The following LRFN2 variants were observed in gnomAD, a reference collection of about 807,000 sequenced individuals.
LRFN2 encodes the protein leucine rich repeat and fibronectin type III domain containing 2, also known as leucine-rich repeat and fibronectin type-III domain-containing protein 2.
A neutral mutation model predicts 37.3 loss-of-function variants in LRFN2; 18 were observed. The ratio of observed to expected loss-of-function variants is 0.48; its 90% CI spans 0.33 to 0.72. The LOEUF is 0.72. Among genes scored for constraint, LRFN2 ranks in the 30% least tolerant of loss-of-function variants. The pLI, the probability that LRFN2 is intolerant of heterozygous loss-of-function variation, is 0.02. For synonymous variants in LRFN2, 556 were observed against 466.6 expected (o/e 1.19, Z -2.47); for missense variants, 1,006 against 1,060.7 (o/e 0.95, Z 0.72).
chr6:40,442,074 C>G (rs1387963334), intron 1 of LRFN2, among the ~76,000 whole-genome samples: 1 of 152,190 alleles, frequency 6.6e-6, no homozygotes, highest in East Asian at 1.9e-4. Context: ...CTCCCTCCTG[C>G]TCTGAATCAC....
At chr6:40,537,434 C>T (rs1766470247) in intron 1 of LRFN2, among the ~76,000 whole-genome samples, 1 of 152,194 alleles carries the variant, frequency 6.6e-6, no homozygotes, top group Non-Finnish European at 1.5e-5. Context: ...TAACCAGCAC[C>T]AGCCCCAACT....
At chr6:40,443,773 G>A (rs991155476) in intron 1 of LRFN2, among the ~76,000 whole-genome samples, 1 of 152,154 alleles carries the variant, frequency 6.6e-6, no homozygotes, top group African/African-American at 2.4e-5. Context: ...GGCAGGGTGG[G>A]GGAACAAAGA....
intron 1 of LRFN2, among the ~76,000 whole-genome samples, chr6:40,583,475 A>G (rs146456591): frequency 7.6e-4 from 115 of 152,290 alleles, no homozygotes; most frequent in African/African-American, 2.5e-3. Context: ...GCAGTCCCAC[A>G]TAAAACTGAC....
Position 40,392,326 on chromosome 6 carries a change from G to A in LRFN2, c.1987C>T (p.Leu663=), listed in dbSNP as rs763051528. 2 of 1,610,720 alleles carry A rather than the reference G, an allele frequency of 1.2e-6. No homozygotes were observed. Among genetic ancestry groups the A allele is most frequent in the African/African-American group, 1.3e-5 (1 of 74,892 alleles). ...LDRLMGAFAS[L]DLKSQRKEEL... is the part of the protein sequence containing the mutation. The stretch of plus-strand genomic sequence containing the variant: ...TCCTTTCTCTGACTCTTGAGGTCCA[G>A]GGAGGCGAAGGCCCCCATCAGGCGG... The change falls in exon 3 of 3, where the codon CTG becomes TTG. Residue 663 remains leucine, a synonymous_variant. Transcript: ENST00000338305. This position sits in a 1 kb window ranked among gnomAD's most constrained non-coding sequence, Gnocchi z 4.7.
At chr6:40,549,917 G>A (rs1224019161) in intron 1 of LRFN2, among the ~76,000 whole-genome samples, 1 of 152,060 alleles carries the variant, frequency 6.6e-6, no homozygotes, top group Admixed American at 6.6e-5. Context: ...GTGCTTGCCT[G>A]TAGCTACCTG....
chr6:40,549,073 C>A (rs1257875006), intron 1 of LRFN2, among the ~76,000 whole-genome samples: 1 of 152,184 alleles, frequency 6.6e-6, no homozygotes, highest in Non-Finnish European at 1.5e-5. Context: ...GCAGGGTAGA[C>A]ATTACCAAGC....
At chr6:40,420,944 A>T (rs1763214431) in intron 2 of LRFN2, among the ~76,000 whole-genome samples, 1 of 152,216 alleles carries the variant, frequency 6.6e-6, no homozygotes, top group African/African-American at 2.4e-5. Context: ...CCCACCCCTA[A>T]TGGGAGCCCC....
At chr6:40,533,370 T>TC (rs1766386150) in intron 1 of LRFN2, among the ~76,000 whole-genome samples, 3 of 119,264 alleles carry the variant, frequency 2.5e-5, no homozygotes, top group African/African-American at 4.2e-5. Context: ...CCTCTCTTGC[T>TC]CAAAACACAC....
At position 40,431,894 on chromosome 6, in the gene LRFN2, C is replaced by T. The variant is rs767471179; in HGVS notation, c.1220G>A (p.Arg407Gln). 27 of 1,609,988 alleles carry T rather than the reference C, an allele frequency of 1.7e-5. No homozygotes were observed. Among genetic ancestry groups the T allele is most frequent in the South Asian group, 5.5e-5 (5 of 90,540 alleles). ...TCCGCCCCCACTGCCTCCACCTCCC[C>T]GGCTGGTCTTGCTGGAGCCAGTGAT... ...SDITGSSKTS[R>Q]GGGGSGGGEP... The change falls in exon 2 of 3, where the codon CGG becomes CAG. Residue 407 changes from arginine (R) to glutamine (Q), a missense_variant. Physicochemically the swap from Arg to Gln is conservative, Grantham distance 43. Transcript: ENST00000338305.
chr6:40,579,167 A>T (rs1379653954), intron 1 of LRFN2, among the ~76,000 whole-genome samples: 1 of 152,180 alleles, frequency 6.6e-6, no homozygotes, highest in Middle Eastern at 3.2e-3. Flanking sequence ...TAGCCTGGGG[A>T]ACCACCCTCT....
At chr6:40,427,901 C>T (rs1344514271) in intron 2 of LRFN2, among the ~76,000 whole-genome samples, 1 of 152,194 alleles carries the variant, frequency 6.6e-6, no homozygotes, top group Non-Finnish European at 1.5e-5. Flanking sequence ...AACTCATAGA[C>T]GGCACTGTGA....
chr6:40,585,403 C>G lies in LRFN2; in HGVS notation c.-19+1538G>C, dbSNP rs112699987. Among the ~76,000 whole-genome samples the G allele has an allele frequency of 4.1e-3, 629 of 152,146 alleles. 2 individuals are homozygous for G. The highest frequency in any genetic ancestry group is 0.012 in the South Asian group (56 of 4,806). On this transcript the variant is annotated intron_variant, in intron 1 of 2. Transcript: ENST00000338305. Reference sequence around the variant, plus strand: ...GAAGGGCCCAGGCAGCTGGCATGGTCGGCGGAGGATGACGGCTCCAAGTGC... The same window carrying G: ...GAAGGGCCCAGGCAGCTGGCATGGTGGGCGGAGGATGACGGCTCCAAGTGC...
Position 40,431,817 on chromosome 6 carries a change from T to G in LRFN2, c.1297A>C (p.Thr433Pro). The G allele has an allele frequency of 2.6e-6, 4 of 1,552,216 alleles. No individual in the cohort carries two copies. Among genetic ancestry groups the G allele is most frequent in the Non-Finnish European group, 3.5e-6 (4 of 1,147,788 alleles). ...ERAVLVSEVT[T>P]TSALVKWSVS... ...GACCACTTGACCAGGGCCGAGGTGG[T>G]GGTCACTTCAGACACAAGCACAGCC... Residue 433 changes from threonine to proline, a missense_variant, in exon 2 of 3, where the codon ACC becomes CCC. Coordinates refer to ENST00000338305, the MANE Select transcript of LRFN2 (RefSeq NM_020737.3).
At chr6:40,541,939 G>A (rs1159219206) in intron 1 of LRFN2, among the ~76,000 whole-genome samples, 1 of 152,204 alleles carries the variant, frequency 6.6e-6, no homozygotes, top group Admixed American at 6.5e-5. Flanking sequence ...AGCATGCAGA[G>A]TGTCAGGCAG....
Position 40,432,166 on chromosome 6 carries a change from G to A in LRFN2, c.948C>T (p.Pro316=). 1 of 1,613,860 alleles carries A rather than the reference G, an allele frequency of 6.2e-7. No individual in the cohort carries two copies. Among genetic ancestry groups the A allele is most frequent in the Non-Finnish European group, 8.5e-7 (1 of 1,180,028 alleles). The part of the protein sequence containing the change: ...ATLKCKAIGD[P]SPLIHWVAPD... ...GGGCTACCCAGTGGATAAGGGGGCT[G>A]GGGTCCCCAATGGCTTTGCACTTGA... The change falls in exon 2 of 3, where the codon CCC becomes CCT. Residue 316 remains proline, a synonymous_variant. Transcript: ENST00000338305.
chr6:40,568,684 T>TTTCCTTTC (rs1554145345), intron 1 of LRFN2, among the ~76,000 whole-genome samples: 1 of 131,936 alleles, frequency 7.6e-6, no homozygotes, highest in Non-Finnish European at 1.6e-5. Flanking sequence ...GTCTCCCCCA[T>TTTCCTTTC]TTCCTTCCTT....
chr6:40,444,900 T>C (rs574754176), intron 1 of LRFN2, among the ~76,000 whole-genome samples: 3 of 123,606 alleles, frequency 2.4e-5, no homozygotes, highest in Admixed American at 1.6e-4. Context: ...GTCTTCTTCA[T>C]GATTTTTTTT....
At position 40,391,731 on chromosome 6, in the gene LRFN2, A is replaced by C. The variant is rs1561835098; in HGVS notation, c.*212T>G. 1 of 451,762 alleles carries C rather than the reference A, an allele frequency of 2.2e-6. No homozygotes were observed. The allele number at this position is 451,762 out of a possible 1,614,324, so 28.0% of individuals were successfully genotyped here. A position where few individuals can be genotyped will look rare whatever the true frequency, so the allele number is the denominator to read the frequency against. ...CACTCAGGGCTCAGTCCGGCATTTGAGCGAGTCCACATTCCCTGAGCACAC... is the reference window on the plus strand; with the variant it reads ...CACTCAGGGCTCAGTCCGGCATTTGCGCGAGTCCACATTCCCTGAGCACAC... On this transcript the variant is annotated 3_prime_UTR_variant, in exon 3 of 3. Coordinates refer to ENST00000338305, the MANE Select transcript of LRFN2 (RefSeq NM_020737.3).
intron 1 of LRFN2, among the ~76,000 whole-genome samples, chr6:40,534,055 G>C (rs893836997): frequency 6.6e-6 from 1 of 152,166 alleles, no homozygotes; most frequent in Non-Finnish European, 1.5e-5. Context: ...AAAACTTAGG[G>C]ACAGAGAGAC....
Sources: gnomAD v4.1 joint callset for allele counts (sites outside exome capture counted in the v4.1 genomes callset) on GRCh38, gnomAD v4.1.1 for gene constraint, Gnocchi (gnomAD v3.1) non-coding constraint, MANE v1.5 for transcripts, NCBI Gene and HGNC (gene_info 2026-07-23, HGNC 2026-07-21) for gene names.